The following IGF2BP2 variants were observed in gnomAD, a reference collection of about 807,000 sequenced individuals.
IGF2BP2 encodes insulin-like growth factor 2 mRNA-binding protein 2.
Under a neutral mutation model 75.8 loss-of-function variants are expected in IGF2BP2, and 17 were observed. The ratio of observed to expected loss-of-function variants is 0.22; its 90% CI spans 0.15 to 0.34. The LOEUF (loss-of-function observed/expected upper bound fraction) is 0.34, where lower values mean the gene tolerates loss of function less well. Among genes scored for constraint, IGF2BP2 ranks in the 10% least tolerant of loss-of-function variants. The pLI, the probability that IGF2BP2 is intolerant of heterozygous loss-of-function variation, is 1.00. For synonymous variants in IGF2BP2, 288 were observed against 295.6 expected (o/e 0.97, Z 0.26); for missense variants, 516 against 772.4 (o/e 0.67, Z 3.93).
intron 2 of IGF2BP2, among the ~76,000 whole-genome samples, chr3:185,759,360 T>A (rs1211463602): frequency 6.6e-6 from 1 of 152,204 alleles, no homozygotes; most frequent in African/African-American, 2.4e-5. Context: ...TGTGCATAGA[T>A]TAGTTGAATG....
chr3:185,813,578 T>A (rs993023202), intron 2 of IGF2BP2, among the ~76,000 whole-genome samples: 20 of 152,088 alleles, frequency 1.3e-4, no homozygotes, highest in Non-Finnish European at 2.2e-4. Flanking sequence ...AAACAAAAAA[T>A]AAAGATGTTT....
intron 12 of IGF2BP2, among the ~76,000 whole-genome samples, chr3:185,656,136 C>G (rs1179530728): frequency 2.0e-5 from 3 of 152,242 alleles, no homozygotes. Flanking sequence ...GGACTGAAAG[C>G]TGGGCAAGGC....
At chr3:185,677,068 T>TATATATAGAGAGAGAG in intron 7 of IGF2BP2, among the ~76,000 whole-genome samples, 30 of 35,856 alleles carry the variant, frequency 8.4e-4, no homozygotes, top group African/African-American at 3.4e-3. Flanking sequence ...TATATATATA[T>TATATATAGAGAGAGAG]AGAGAGAGAG....
chr3:185,703,921 T>C (rs1355019929), intron 2 of IGF2BP2, among the ~76,000 whole-genome samples: 1 of 152,206 alleles, frequency 6.6e-6, no homozygotes, highest in Non-Finnish European at 1.5e-5. Context: ...GGTTATGCTG[T>C]GGGTCTGACT....
chr3:185,748,126 G>C (rs562258306), intron 2 of IGF2BP2, among the ~76,000 whole-genome samples: 4 of 151,972 alleles, frequency 2.6e-5, no homozygotes, highest in African/African-American at 7.2e-5. Flanking sequence ...GGATGGTCTC[G>C]ATCTCCTGAC....
rs983088736 is a variant in IGF2BP2, at chr3:185,645,080, C to G, written c.*451G>C. 6.4e-6 allele frequency: 1 copy of G among 156,570 alleles called. No individual in the cohort carries two copies. The highest frequency in any genetic ancestry group is 1.9e-4 in the East Asian group (1 of 5,332). The allele number at this position is 156,570 out of a possible 1,614,324, so 9.7% of individuals were successfully genotyped here. On this transcript the variant is annotated 3_prime_UTR_variant, in exon 16 of 16. Coordinates refer to ENST00000382199, the MANE Select transcript of IGF2BP2 (RefSeq NM_006548.6). This position sits in a 1 kb window ranked among gnomAD's most constrained non-coding sequence, Gnocchi z 4.9. ...CTAAAATATATTACCGCTGCAGGCA[C>G]CCTGTGTAACCCACAGGCCACATAT...
intron 2 of IGF2BP2, among the ~76,000 whole-genome samples, chr3:185,775,078 G>A (rs1476924398): frequency 6.6e-6 from 1 of 151,794 alleles, no homozygotes; most frequent in African/African-American, 2.4e-5. Flanking sequence ...CACTTGTCTG[G>A]ATGAACTCTA....
chr3:185,675,172 G>T, intron 9 of IGF2BP2, 124 bp downstream of exon 9: 1 of 899,732 alleles, frequency 1.1e-6, no homozygotes, highest in Non-Finnish European at 1.7e-6. Context: ...TTATTTTAAT[G>T]CTTTTATCCT....
rs1392006102 is a variant in IGF2BP2, at chr3:185,675,377, T to C, written c.990A>G (p.Thr330=). ...TCTCAGCACTGGCACAGGCCTCAAC[T>C]GTGCCCTTCACAGTGATGGTTCTTT... is the stretch of plus-strand genomic sequence containing the variant. ...NPERTITVKG[T]VEACASAEIE... The change falls in exon 9 of 16, where the codon ACA becomes ACG. Residue 330 remains threonine (T), a synonymous_variant. Transcript: ENST00000382199. 16 of 1,612,894 alleles carry C rather than the reference T, an allele frequency of 9.9e-6. No homozygotes were observed. Among genetic ancestry groups the C allele is most frequent in the Non-Finnish European group, 1.3e-5 (15 of 1,179,708 alleles).
In IGF2BP2 at chr3:185,675,331, G is replaced by A. The variant is rs1258693558; in HGVS notation, c.1036C>T (p.Arg346Cys). Residue 346 changes from arginine to cysteine, a missense_variant, in exon 9 of 16, where the codon CGT becomes TGT. Around this residue, in one of 3 missense-constraint regions of IGF2BP2, gnomAD observed 312 missense variants for 474.5 expected, o/e 0.66. Coordinates refer to ENST00000382199, the MANE Select transcript of IGF2BP2 (RefSeq NM_006548.6). ...AGCATATCATTTTCAAAGGCCTCACGCAGCTTCTTCATAATCTCTATCTCA... is the reference window on the plus strand; with the variant it reads ...AGCATATCATTTTCAAAGGCCTCACACAGCTTCTTCATAATCTCTATCTCA... ...SAEIEIMKKL[R>C]EAFENDMLAV... 4.3e-6 allele frequency: 7 copies of A among 1,611,210 alleles called. No individual in the cohort carries two copies. Among genetic ancestry groups the A allele is most frequent in the Admixed American group, 1.7e-5 (1 of 59,660 alleles).
intron 2 of IGF2BP2, among the ~76,000 whole-genome samples, chr3:185,821,653 A>ATG (rs1372719735): frequency 6.6e-6 from 1 of 152,086 alleles, no homozygotes; most frequent in East Asian, 1.9e-4. Flanking sequence ...TTTTTTACTA[A>ATG]TTATAACCCC....
At chr3:185,661,701 C>T (rs569655977) in intron 10 of IGF2BP2, among the ~76,000 whole-genome samples, 8 of 151,220 alleles carry the variant, frequency 5.3e-5, no homozygotes, top group South Asian at 4.2e-4. Context: ...ACCCGGGTCC[C>T]GGGTGCTGGG....
chr3:185,804,357 G>C (rs536664284), intron 2 of IGF2BP2, among the ~76,000 whole-genome samples: 14 of 151,504 alleles, frequency 9.2e-5, no homozygotes, highest in Non-Finnish European at 1.3e-4. Flanking sequence ...GCTTGAACCC[G>C]GGAGGCAGAG....
chr3:185,791,523 C>T (rs1237435166), intron 2 of IGF2BP2, among the ~76,000 whole-genome samples: 1 of 152,200 alleles, frequency 6.6e-6, no homozygotes, highest in Non-Finnish European at 1.5e-5. Context: ...GATCTCTGGG[C>T]GTGTCCTCTG....
At chr3:185,669,293 T>C (rs570532119) in intron 10 of IGF2BP2, among the ~76,000 whole-genome samples, 1 of 152,106 alleles carries the variant, frequency 6.6e-6, no homozygotes, top group African/African-American at 2.4e-5. Flanking sequence ...TCAAGATGTA[T>C]ACACACAAGG....
rs1224138690 is a variant in IGF2BP2, at chr3:185,680,578, C to T, written c.813-4665G>A. On this transcript the variant is annotated intron_variant, in intron 7 of 15. Transcript: ENST00000382199. ...CAACAAAATACTAGCAAATCAAATTCAGCATATGAAAAGGATTATAAGCCA... is the reference window on the plus strand; with the variant it reads ...CAACAAAATACTAGCAAATCAAATTTAGCATATGAAAAGGATTATAAGCCA... 2.0e-5 allele frequency among the ~76,000 whole-genome samples: 3 copies of T among 152,272 alleles called. No individual in the cohort carries two copies. The East Asian group carries it at 5.8e-4, about 29-fold the overall frequency.
intron 10 of IGF2BP2, among the ~76,000 whole-genome samples, chr3:185,668,508 G>GAGAGATAT (rs779987582): frequency 3.2e-5 from 4 of 125,786 alleles, no homozygotes; most frequent in Admixed American, 8.1e-5. Flanking sequence ...GAGAGAGAGA[G>GAGAGATAT]ATATATATAT....
chr3:185,668,506 G>GAT (rs1221304712), intron 10 of IGF2BP2, among the ~76,000 whole-genome samples: 12,416 of 126,436 alleles, frequency 0.098, 512 homozygotes, highest in African/African-American at 0.14. Flanking sequence ...GAGAGAGAGA[G>GAT]AGATATATAT....
At chr3:185,704,345 T>C (rs1723715136) in intron 2 of IGF2BP2, among the ~76,000 whole-genome samples, 1 of 152,224 alleles carries the variant, frequency 6.6e-6, no homozygotes, top group African/African-American at 2.4e-5. Context: ...TAAAAACTTC[T>C]GGTCACTCTG....
Sources: allele counts gnomAD v4.1 joint callset (sites outside exome capture counted in the v4.1 genomes callset), GRCh38; gene constraint gnomAD v4.1.1; regional missense constraint gnomAD v4.1.1; non-coding constraint Gnocchi (gnomAD v3.1); transcripts MANE v1.5; gene names NCBI Gene and HGNC (gene_info 2026-07-23, HGNC 2026-07-21).